The following FRMD3 variants were observed in gnomAD, a reference collection of about 807,000 sequenced individuals.
FRMD3 encodes the protein FERM domain containing 3, also known as FERM domain-containing protein 3.
In FRMD3, 33 loss-of-function variants were observed where a neutral mutation model predicts 70.2. That is an observed-to-expected ratio of 0.47 (90% CI 0.36 to 0.63). The LOEUF (loss-of-function observed/expected upper bound fraction) is 0.63, where lower values mean the gene tolerates loss of function less well. FRMD3 is among the 20% of genes least tolerant of loss of function. The pLI is 0.00. For synonymous variants in FRMD3, 279 were observed against 255.9 expected, an observed-to-expected ratio of 1.09 and a Z score of -0.86; for missense variants, 632 against 711.4, an observed-to-expected ratio of 0.89 and a Z score of 1.27.
At position 83,326,608 on chromosome 9, in the gene FRMD3, T is replaced by TC. The variant is rs1836028479; in HGVS notation, c.596+8907_596+8908insG. Among the ~76,000 whole-genome samples, 5 of 151,986 alleles carry TC rather than the reference T, an allele frequency of 3.3e-5. 1 individual carries two copies. In the South Asian group the frequency reaches 1.0e-3, roughly 32 times the overall value. The stretch of plus-strand genomic sequence containing the variant: ...AAGAAACCATTTAATGATCCATTTT[T>TC]TCAGGAAGATACTAAGATCAATTAA... On this transcript the variant is annotated intron_variant, in intron 6 of 13. Coordinates refer to ENST00000304195, the MANE Select transcript of FRMD3 (RefSeq NM_174938.6).
intron 1 of FRMD3, among the ~76,000 whole-genome samples, chr9:83,491,436 A>G (rs1828822597): frequency 6.6e-6 from 1 of 152,228 alleles, no homozygotes; most frequent in Non-Finnish European, 1.5e-5. Flanking sequence ...AGCCTCCTCC[A>G]GCACATACCT....
chr9:83,244,183 A>T (rs1423462061), downstream of FRMD3, among the ~76,000 whole-genome samples: 3 of 151,818 alleles, frequency 2.0e-5, no homozygotes, highest in African/African-American at 4.8e-5. Flanking sequence ...GCGTGAACAG[A>T]TAGAGAAGTT....
upstream of FRMD3, among the ~76,000 whole-genome samples, chr9:83,540,732 AAAG>A (rs1829990704): frequency 6.6e-6 from 1 of 152,260 alleles, no homozygotes; most frequent in Non-Finnish European, 1.5e-5. Context: ...CACTGAAAGA[AAAG>A]TAGTGATGCA....
At chr9:83,545,823 A>T in the FRMD3 span, among the ~76,000 whole-genome samples, 1 of 152,190 alleles carries the variant, frequency 6.6e-6, no homozygotes. Flanking sequence ...CTTGCTAGAG[A>T]TTTACACATC....
chr9:83,532,645 A>T (rs1206338410), intron 1 of FRMD3, among the ~76,000 whole-genome samples: 2 of 152,110 alleles, frequency 1.3e-5, no homozygotes, highest in African/African-American at 4.8e-5. Context: ...ACACACACAC[A>T]CACATAATTC....
intron 1 of FRMD3, among the ~76,000 whole-genome samples, chr9:83,400,345 G>A (rs1454087230): frequency 6.6e-6 from 1 of 152,026 alleles, no homozygotes; most frequent in Admixed American, 6.6e-5. Context: ...AACAAAATAT[G>A]TACAAAATCT....
chr9:83,300,425 CT>C (rs1286839775), intron 10 of FRMD3, among the ~76,000 whole-genome samples: 1 of 152,208 alleles, frequency 6.6e-6, no homozygotes, highest in Non-Finnish European at 1.5e-5. Context: ...CTCAATTATT[CT>C]AAGTTAAGCA....
chr9:83,273,525 C>T (rs1833684322), intron 13 of FRMD3, among the ~76,000 whole-genome samples: 1 of 151,302 alleles, frequency 6.6e-6, no homozygotes, highest in African/African-American at 2.4e-5. Context: ...CCTAGGAAAA[C>T]CAGAGACCCT....
Position 83,244,958 on chromosome 9 carries a change from T to G in FRMD3, c.*2960A>C, listed in dbSNP as rs1483107160. The G allele has an allele frequency of 1.0e-6, 1 of 983,098 alleles. No individual in the cohort carries two copies. Among genetic ancestry groups the G allele is most frequent in the Non-Finnish European group, 1.2e-6 (1 of 827,896 alleles). The allele number at this position is 983,098 out of a possible 1,614,324, so 60.9% of individuals were successfully genotyped here. On this transcript the variant is annotated 3_prime_UTR_variant, in exon 14 of 14. Transcript: ENST00000304195. ...CTAAAGGCAATATTGTGTGTGTATA[T>G]GTATTTGCCATATGTGTGTGTGTAT...
chr9:83,331,481 T>C (rs1836265314), intron 6 of FRMD3, among the ~76,000 whole-genome samples: 1 of 152,158 alleles, frequency 6.6e-6, no homozygotes, highest in Non-Finnish European at 1.5e-5. Flanking sequence ...GGGAAACTAC[T>C]CTGTATGATA....
intron 3 of FRMD3, among the ~76,000 whole-genome samples, chr9:83,363,490 C>A (rs991828659): frequency 6.7e-6 from 1 of 150,024 alleles, no homozygotes; most frequent in Non-Finnish European, 1.5e-5. Context: ...TATACCTGTG[C>A]GTGAATAAAT....
chr9:83,583,143 G>C, the FRMD3 span, among the ~76,000 whole-genome samples: 3 of 152,046 alleles, frequency 2.0e-5, no homozygotes, highest in Non-Finnish European at 1.5e-5. Context: ...CTATTTTTGA[G>C]AATTCGCTTT....
chr9:83,447,506 G>A (rs566775546), intron 1 of FRMD3, among the ~76,000 whole-genome samples: 20 of 152,322 alleles, frequency 1.3e-4, no homozygotes, highest in South Asian at 2.1e-4. Context: ...GGCTGGATGC[G>A]GGCCAGCCGT....
chr9:83,566,308 G>A, the FRMD3 span, among the ~76,000 whole-genome samples: 1 of 152,124 alleles, frequency 6.6e-6, no homozygotes, highest in Non-Finnish European at 1.5e-5. Flanking sequence ...CAATGCCCAT[G>A]GTTCAATTAC....
intron 1 of FRMD3, among the ~76,000 whole-genome samples, chr9:83,422,215 A>ACT (rs10643875): frequency 0.57 from 86,964 of 151,710 alleles, 26,093 homozygotes; most frequent in African/African-American, 0.77. Context: ...GCAGAGTGAG[A>ACT]CTGTCTCAAA....
chr9:83,257,572 T>C (rs753668477), intron 13 of FRMD3, among the ~76,000 whole-genome samples: 1 of 152,178 alleles, frequency 6.6e-6, no homozygotes, highest in Non-Finnish European at 1.5e-5. Context: ...CTTGCAAGTA[T>C]TTTGAAATTA....
chr9:83,306,285 C>T (rs1044445702), intron 10 of FRMD3, among the ~76,000 whole-genome samples: 4 of 152,206 alleles, frequency 2.6e-5, no homozygotes, highest in Admixed American at 2.6e-4. Context: ...ATCACCCCCT[C>T]CCATAGGTCT....
chr9:83,570,749 A>G, the FRMD3 span, among the ~76,000 whole-genome samples: 1 of 152,216 alleles, frequency 6.6e-6, no homozygotes, highest in Non-Finnish European at 1.5e-5. Context: ...TGACAGGAAC[A>G]CTTGCTGCTG....
At chr9:83,363,462 A>T (rs1046954438) in intron 3 of FRMD3, among the ~76,000 whole-genome samples, 1 of 152,154 alleles carries the variant, frequency 6.6e-6, no homozygotes, top group Non-Finnish European at 1.5e-5. Context: ...ATGCTGTAAT[A>T]AACACCCTTG....
Sources: gnomAD v4.1 joint callset for allele counts (sites outside exome capture counted in the v4.1 genomes callset) on GRCh38, gnomAD v4.1.1 for gene constraint, MANE v1.5 for transcripts, NCBI Gene and HGNC (gene_info 2026-07-23, HGNC 2026-07-21) for gene names.